The following WDR17 variants were observed in gnomAD, a reference collection of about 807,000 sequenced individuals.
WDR17 encodes WD repeat-containing protein 17.
In WDR17, 143 loss-of-function variants were observed where a neutral mutation model predicts 161.7. That is an observed-to-expected ratio of 0.88 (90% CI 0.77 to 1.02). WDR17 has a LOEUF of 1.02. WDR17 is among the 50% of genes least tolerant of loss of function. The pLI is 0.00. For synonymous variants in WDR17, 517 were observed against 515.6 expected (o/e 1.00, Z -0.04); for missense variants, 1,469 against 1,520.9 (o/e 0.97, Z 0.57).
chr4:176,117,780 C>G (rs2126713368), intron 3 of WDR17, among the ~76,000 whole-genome samples: 1 of 152,188 alleles, frequency 6.6e-6, no homozygotes, highest in African/African-American at 2.4e-5. Flanking sequence ...CAATATCTCC[C>G]TCATCCAAAT....
chr4:176,173,705 C>T (rs1455214238), intron 25 of WDR17, among the ~76,000 whole-genome samples: 1 of 151,786 alleles, frequency 6.6e-6, no homozygotes, highest in East Asian at 1.9e-4. Flanking sequence ...TTAGTAGAGA[C>T]GGGGTTTTAC....
rs772092874 is a variant in WDR17, at chr4:176,120,048, G to A, written c.489G>A (p.Gly163=). 1 of 1,613,952 alleles carries A rather than the reference G, an allele frequency of 6.2e-7. No homozygotes were observed. Among genetic ancestry groups the A allele is most frequent in the Non-Finnish European group, 8.5e-7 (1 of 1,179,930 alleles). Residue 163 remains glycine (G), a synonymous_variant, in exon 4 of 29, where the codon GGG becomes GGA. Coordinates refer to ENST00000508596, the MANE Select transcript of WDR17 (RefSeq NM_181265.4). ...TCAGATGGCATACACACCAAAAGGG[G>A]AAAGTTGTGTTTGGTCATATTGATG... is the stretch of plus-strand genomic sequence containing the variant. ...CMFRWHTHQK[G]KVVFGHIDGS... is the part of the protein sequence containing the mutation.
At chr4:176,177,005 T>C (rs1203289684) in intron 26 of WDR17, 53 bp from the exon 27 acceptor site, 1 of 1,287,000 alleles carries the variant, frequency 7.8e-7, no homozygotes, top group East Asian at 2.3e-5. Context: ...GTTTGCTTTT[T>C]CTGATATCTT....
chr4:176,150,034 G>GA lies in WDR17; in HGVS notation c.2048-9_2048-8insA, dbSNP rs778082553. Reference sequence around the variant, plus strand: ...AATCTTTTCTCACTGAATTATGTCTGTTCTTCAGATTATGCTATAGAACCA... The same window carrying GA: ...AATCTTTTCTCACTGAATTATGTCTGATTCTTCAGATTATGCTATAGAACCA... On this transcript the variant is annotated splice_polypyrimidine_tract_variant and intron_variant, in intron 14 of 28. Coordinates refer to ENST00000508596, the MANE Select transcript of WDR17 (RefSeq NM_181265.4). 96 of 1,613,024 alleles carry GA rather than the reference G, an allele frequency of 6.0e-5. No homozygotes were observed. Among genetic ancestry groups the GA allele is most frequent in the Non-Finnish European group, 7.8e-5 (92 of 1,179,782 alleles).
chr4:176,131,142 G>T lies in WDR17; in HGVS notation c.914-412G>T, dbSNP rs1020734547. Among the ~76,000 whole-genome samples the T allele has an allele frequency of 5.4e-4, 82 of 152,196 alleles. 1 individual carries two copies. Among genetic ancestry groups the T allele is most frequent in the African/African-American group, 1.9e-3 (79 of 41,526 alleles). On this transcript the variant is annotated intron_variant, in intron 6 of 28. Transcript: ENST00000508596. ...ATTTTCACTGGCTTGGAAATTGTTG[G>T]CAGAGAGTTATTTATATTAAAAGAA...
intron 5 of WDR17, among the ~76,000 whole-genome samples, chr4:176,126,681 A>G (rs1174812840): frequency 6.6e-6 from 1 of 152,144 alleles, no homozygotes; most frequent in Non-Finnish European, 1.5e-5. Context: ...ATAATAAGTG[A>G]TGTGGCTTGA....
intron 1 of WDR17, among the ~76,000 whole-genome samples, chr4:176,106,834 C>T (rs1377018850): frequency 6.6e-6 from 1 of 152,060 alleles, no homozygotes; most frequent in African/African-American, 2.4e-5. Context: ...GCCTATAGGC[C>T]TAGCTACTTG....
At chr4:176,102,250 A>C (rs946211660) in intron 1 of WDR17, among the ~76,000 whole-genome samples, 1 of 152,206 alleles carries the variant, frequency 6.6e-6, no homozygotes, top group African/African-American at 2.4e-5. Context: ...ACAAGTGAGC[A>C]TGTGAAAAAA....
intron 3 of WDR17, among the ~76,000 whole-genome samples, chr4:176,118,217 C>G (rs1203505762): frequency 5.3e-5 from 8 of 152,130 alleles, no homozygotes; most frequent in Non-Finnish European, 1.0e-4. Context: ...ACATAAGTCA[C>G]TATAAAAGTG....
At chr4:176,157,867 T>A (rs1014245262) in intron 18 of WDR17, among the ~76,000 whole-genome samples, 40 of 152,184 alleles carry the variant, frequency 2.6e-4, no homozygotes, top group Non-Finnish European at 4.3e-4. Flanking sequence ...GATTGGTGTA[T>A]ATGAACTGAG....
chr4:176,166,316 A>T (rs931702603), intron 22 of WDR17, among the ~76,000 whole-genome samples: 4 of 152,152 alleles, frequency 2.6e-5, no homozygotes, highest in Admixed American at 1.3e-4. Context: ...ACTACAAAGT[A>T]ATGAGAAAAG....
chr4:176,115,344 A>G (rs528083576), intron 2 of WDR17, among the ~76,000 whole-genome samples: 1 of 152,090 alleles, frequency 6.6e-6, no homozygotes, highest in East Asian at 1.9e-4. Context: ...AGTGAATGAC[A>G]TCATTGCTCT....
chr4:176,162,114 T>C lies in WDR17; in HGVS notation c.2790T>C (p.Tyr930=). 2.5e-6 allele frequency: 4 copies of C among 1,613,378 alleles called. No homozygotes were observed. Among genetic ancestry groups the C allele is most frequent in the Non-Finnish European group, 3.4e-6 (4 of 1,179,544 alleles). The change falls in exon 21 of 29, where the codon TAT becomes TAC. Residue 930 remains tyrosine, a synonymous_variant. Transcript: ENST00000508596. ...TCAGTAAAGAACTGGCAGAATGGTA[T>C]TTTCAAGATGGTCGAGCAGTACTAG... The part of the protein sequence containing the change: ...HKVSKELAEW[Y]FQDGRAVLAA...
At position 176,111,653 on chromosome 4, in the gene WDR17, A is replaced by G. The variant is rs1561116015; in HGVS notation, c.73A>G (p.Ser25Gly). The G allele has an allele frequency of 6.2e-7, 1 of 1,611,128 alleles. No homozygotes were observed. The highest frequency in any genetic ancestry group is 8.5e-7 in the Non-Finnish European group (1 of 1,178,104). ...ATGGAACAAGGATGTATGTGCTGCC[A>G]GTGGAGACAGGTTTGCATATTGTGC... Reference protein sequence around the residue: ...QPWNKDVCAASGDRFAYCATL... With the variant: ...QPWNKDVCAAGGDRFAYCATL... The change falls in exon 2 of 29, where the codon AGT becomes GGT. Residue 25 changes from serine (S) to glycine (G), a missense_variant. Ser to Gly is a moderately conservative substitution (Grantham distance 56, BLOSUM62 0). Transcript: ENST00000508596.
chr4:176,073,594 A>G (rs911116332), intron 1 of WDR17, among the ~76,000 whole-genome samples: 1 of 151,358 alleles, frequency 6.6e-6, no homozygotes, highest in African/African-American at 2.4e-5. Context: ...TAGCAGCATG[A>G]TTTATAATCC....
chr4:176,065,886 C>T lies in WDR17; in HGVS notation c.-200C>T, dbSNP rs1732454043. ...GCTCGCGGCGCCTTCCATCGTGGCTCCGCGCTGGGGCTTGCGGAGCACGCT... is the reference window on the plus strand; with the variant it reads ...GCTCGCGGCGCCTTCCATCGTGGCTTCGCGCTGGGGCTTGCGGAGCACGCT... On this transcript the variant is annotated 5_prime_UTR_variant, in exon 1 of 29. Coordinates refer to ENST00000508596, the MANE Select transcript of WDR17 (RefSeq NM_181265.4). 1 of 152,148 alleles carries T rather than the reference C, an allele frequency of 6.6e-6. No homozygotes were observed. Among genetic ancestry groups the T allele is most frequent in the African/African-American group, 2.4e-5 (1 of 41,418 alleles). The allele number at this position is 152,148 out of a possible 1,614,324, so 9.4% of individuals were successfully genotyped here. A position where few individuals can be genotyped will look rare whatever the true frequency, so the allele number is the denominator to read the frequency against.
rs1434508121 is a variant in WDR17 at position 176,181,698 on chromosome 4, AAAAT to A, written c.*2130_*2133del. On this transcript the variant is annotated 3_prime_UTR_variant, in exon 29 of 29. Transcript: ENST00000508596. ...ATCCTACTGTCATTCTTTTTATTTT[AAAAT>A]AAATAAATAAGCCTATCTTTTTGTG... is the stretch of plus-strand genomic sequence containing the variant. 6.5e-6 allele frequency: 1 copy of A among 153,000 alleles called. No individual in the cohort carries two copies. Among genetic ancestry groups the A allele is most frequent in the Admixed American group, 6.6e-5 (1 of 15,266 alleles). 9.5% of individuals were successfully genotyped at this position (153,000 alleles called of 1,614,324 possible). A position where few individuals can be genotyped will look rare whatever the true frequency, so the allele number is the denominator to read the frequency against.
At chr4:176,145,024 C>A (rs1383943793) in intron 11 of WDR17, among the ~76,000 whole-genome samples, 1 of 152,146 alleles carries the variant, frequency 6.6e-6, no homozygotes, top group Non-Finnish European at 1.5e-5. Context: ...AGTTTGCAAA[C>A]TGCCGTATTT....
chr4:176,084,788 AAT>A (rs966241567), intron 1 of WDR17, among the ~76,000 whole-genome samples: 38 of 145,994 alleles, frequency 2.6e-4, no homozygotes, highest in African/African-American at 7.7e-4. Context: ...ATATATATAA[AAT>A]ATATATATAT....
Sources: allele counts gnomAD v4.1 joint callset (sites outside exome capture counted in the v4.1 genomes callset), GRCh38; gene constraint gnomAD v4.1.1; transcripts MANE v1.5; gene names NCBI Gene and HGNC (gene_info 2026-07-23, HGNC 2026-07-21).